Variants in FBXL17 observed in about 807,000 individuals in gnomAD.
FBXL17 encodes F-box and leucine rich repeat protein 17.
A neutral mutation model predicts 66.2 loss-of-function variants in FBXL17; 22 were observed. That is an observed-to-expected ratio of 0.33 (90% CI 0.24 to 0.47). The LOEUF is 0.47. Among genes scored for constraint, FBXL17 ranks in the 20% least tolerant of loss-of-function variants. FBXL17 has a pLI of 1.00. For synonymous variants in FBXL17, 474 were observed against 400.5 expected (o/e 1.18, Z -2.19); for missense variants, 878 against 948.2 (o/e 0.93, Z 0.97).
rs189250749 is a variant in FBXL17 at position 108,195,011 on chromosome 5, C to T, written c.1615-8764G>A. 2.6e-5 allele frequency among the ~76,000 whole-genome samples: 4 copies of T among 152,066 alleles called. No homozygotes were observed. In the East Asian group the frequency reaches 7.7e-4, roughly 29 times the overall value. On this transcript the variant is annotated intron_variant, in intron 5 of 8. Transcript: ENST00000542267. Reference sequence around the variant, plus strand: ...AGTCTCTTTAATCACTTAAAAAATGCAAAAAGTATTATTCATGTAGTCAAT... The same window carrying T: ...AGTCTCTTTAATCACTTAAAAAATGTAAAAAGTATTATTCATGTAGTCAAT...
chr5:108,178,947 G>A (rs1413126414), intron 6 of FBXL17, among the ~76,000 whole-genome samples: 2 of 152,126 alleles, frequency 1.3e-5, no homozygotes, highest in East Asian at 3.9e-4. Flanking sequence ...TGGATTTAAT[G>A]GATAGGTTTG....
chr5:107,869,094 A>C (rs1748370976), intron 8 of FBXL17, among the ~76,000 whole-genome samples: 1 of 152,134 alleles, frequency 6.6e-6, no homozygotes, highest in African/African-American at 2.4e-5. Context: ...CAAATAGCAC[A>C]CTCAGCGCCT....
intron 6 of FBXL17, among the ~76,000 whole-genome samples, chr5:108,115,403 T>C (rs1312916366): frequency 2.0e-5 from 3 of 152,142 alleles, no homozygotes; most frequent in Admixed American, 1.3e-4. Context: ...CGCTATCATA[T>C]ATATAAACTT....
intron 1 of FBXL17, among the ~76,000 whole-genome samples, chr5:108,373,228 T>C (rs191986830): frequency 1.6e-3 from 210 of 133,072 alleles, no homozygotes; most frequent in African/African-American, 5.6e-3. Flanking sequence ...TATATTAATA[T>C]AAATATAATA....
At chr5:108,350,709 C>G (rs1003421150) in intron 3 of FBXL17, among the ~76,000 whole-genome samples, 7 of 152,054 alleles carry the variant, frequency 4.6e-5, no homozygotes, top group African/African-American at 1.4e-4. Flanking sequence ...TATTTCTAAC[C>G]CAGAATTCTG....
At chr5:108,312,095 A>T (rs1759146882) in intron 4 of FBXL17, among the ~76,000 whole-genome samples, 1 of 152,068 alleles carries the variant, frequency 6.6e-6, no homozygotes, top group Non-Finnish European at 1.5e-5. Flanking sequence ...TTTTTTCTAT[A>T]AAAACATTCT....
chr5:107,899,819 G>A (rs1446348006), intron 7 of FBXL17, among the ~76,000 whole-genome samples: 1 of 152,074 alleles, frequency 6.6e-6, no homozygotes, highest in East Asian at 1.9e-4. Context: ...TGAGGAGGGG[G>A]AGTGAGGGTT....
intron 4 of FBXL17, among the ~76,000 whole-genome samples, chr5:108,307,643 AT>A (rs1308875904): frequency 6.6e-6 from 1 of 151,964 alleles, no homozygotes; most frequent in African/African-American, 2.4e-5. Flanking sequence ...TCAATCTCTG[AT>A]TTTGTTTAAC....
chr5:107,920,557 C>T (rs377501871), intron 7 of FBXL17, among the ~76,000 whole-genome samples: 1 of 152,154 alleles, frequency 6.6e-6, no homozygotes, highest in African/African-American at 2.4e-5. Flanking sequence ...AACAACCTAA[C>T]TCAATATGAA....
At chr5:107,926,954 T>G (rs1231161702) in intron 7 of FBXL17, among the ~76,000 whole-genome samples, 1 of 152,020 alleles carries the variant, frequency 6.6e-6, no homozygotes, top group Admixed American at 6.6e-5. Context: ...GGTTAAACAT[T>G]TAAATGAAAA....
chr5:108,239,541 C>T (rs1258751559), intron 4 of FBXL17, among the ~76,000 whole-genome samples: 2 of 152,206 alleles, frequency 1.3e-5, no homozygotes, highest in East Asian at 1.9e-4. Context: ...GAATTCTCAT[C>T]CCAGCAGTCA....
rs1554056634 is a variant in FBXL17 at position 108,009,300 on chromosome 5, T to TATAC, written c.1822+11624_1822+11625insGTAT. On this transcript the variant is annotated intron_variant, in intron 7 of 8. Coordinates refer to ENST00000542267, the MANE Select transcript of FBXL17 (RefSeq NM_001163315.3). ...ATATATATATATATATATATATATA[T>TATAC]ACATATATACATACACATATAGTTT... Among the ~76,000 whole-genome samples, 8 of 63,274 alleles carry TATAC rather than the reference T, an allele frequency of 1.3e-4. 1 individual carries two copies. Among genetic ancestry groups the TATAC allele is most frequent in the East Asian group, 5.5e-4 (1 of 1,818 alleles). The allele number at this position is 63,274 out of a possible 152,430, so 41.5% of individuals were successfully genotyped here. A position where few individuals can be genotyped will look rare whatever the true frequency, so the allele number is the denominator to read the frequency against.
At chr5:108,036,843 A>T (rs553256759) in intron 6 of FBXL17, among the ~76,000 whole-genome samples, 2 of 152,278 alleles carry the variant, frequency 1.3e-5, no homozygotes, top group African/African-American at 4.8e-5. Context: ...CATTTGAATA[A>T]TTTTTATTAT....
intron 6 of FBXL17, among the ~76,000 whole-genome samples, chr5:108,037,185 C>CA (rs1746879525): frequency 1.3e-5 from 2 of 151,414 alleles, no homozygotes; most frequent in African/African-American, 4.8e-5. Flanking sequence ...TTACAGTAAG[C>CA]AAAAAAACAA....
chr5:108,172,203 C>G lies in FBXL17; in HGVS notation c.1745+13914G>C, dbSNP rs190350734. On this transcript the variant is annotated intron_variant, in intron 6 of 8. Coordinates refer to ENST00000542267, the MANE Select transcript of FBXL17 (RefSeq NM_001163315.3). ...CCATCTTCATGTGATTTCTTATTCT[C>G]AGAGAGACCAGTCTGAGCTTATTCA... Among the ~76,000 whole-genome samples the G allele has an allele frequency of 1.1e-4, 17 of 152,306 alleles. No homozygotes were observed. In the East Asian group the frequency reaches 1.9e-3, roughly 17 times the overall value.
Position 108,186,261 on chromosome 5 carries a change from T to C in FBXL17, c.1615-14A>G, listed in dbSNP as rs1395931777. On this transcript the variant is annotated splice_polypyrimidine_tract_variant and intron_variant, in intron 5 of 8. Transcript: ENST00000542267. Reference sequence around the variant, plus strand: ...AAGGTTTCTTAGCTAATGAGATAAATAAAATGAAAGATGAAAAAGGTAAAT... The same window carrying C: ...AAGGTTTCTTAGCTAATGAGATAAACAAAATGAAAGATGAAAAAGGTAAAT... 6.2e-7 allele frequency: 1 copy of C among 1,603,084 alleles called. No individual in the cohort carries two copies. Among genetic ancestry groups the C allele is most frequent in the Non-Finnish European group, 8.5e-7 (1 of 1,174,208 alleles).
intron 1 of FBXL17, among the ~76,000 whole-genome samples, chr5:108,377,061 T>A (rs946354579): frequency 6.6e-6 from 1 of 152,218 alleles, no homozygotes; most frequent in Non-Finnish European, 1.5e-5. Flanking sequence ...TCTAGAGAAG[T>A]CATTCTGTGT....
chr5:107,893,159 C>G (rs1017136467), intron 7 of FBXL17, among the ~76,000 whole-genome samples: 3 of 151,926 alleles, frequency 2.0e-5, no homozygotes, highest in Admixed American at 6.6e-5. Context: ...AAAGAAAGCA[C>G]AAGAGGAAGT....
chr5:107,901,140 T>A (rs960582040), intron 7 of FBXL17, among the ~76,000 whole-genome samples: 3 of 152,184 alleles, frequency 2.0e-5, no homozygotes, highest in Admixed American at 6.5e-5. Context: ...ATACTATAAA[T>A]TTTCTTAACC....
Sources: gnomAD v4.1 joint callset for allele counts (sites outside exome capture counted in the v4.1 genomes callset) on GRCh38, gnomAD v4.1.1 for gene constraint, MANE v1.5 for transcripts, NCBI Gene and HGNC (gene_info 2026-07-23, HGNC 2026-07-21) for gene names.